Variants in C2CD2 observed in about 807,000 individuals in gnomAD.
C2CD2 encodes the protein C2 calcium dependent domain containing 2, also known as C2 domain-containing protein 2.
Under a neutral mutation model 74.3 loss-of-function variants are expected in C2CD2, and 43 were observed. The observed-to-expected ratio is 0.58, with a 90% CI of 0.45 to 0.75. The LOEUF (loss-of-function observed/expected upper bound fraction) is 0.75, where lower values mean the gene tolerates loss of function less well. Ranked by LOEUF, C2CD2 falls within the 30% of genes least tolerant of loss-of-function variation. The pLI is 0.00. For synonymous variants in C2CD2, 422 were observed against 390.7 expected, an observed-to-expected ratio of 1.08 and a Z score of -0.94; for missense variants, 801 against 916.3, an observed-to-expected ratio of 0.87 and a Z score of 1.63.
intron 6 of C2CD2, among the ~76,000 whole-genome samples, chr21:41,914,391 G>A (rs911753320): frequency 2.6e-5 from 4 of 151,998 alleles, no homozygotes; most frequent in Admixed American, 6.5e-5. Flanking sequence ...TCCCTCCTTG[G>A]CCTTCCCACG....
chr21:41,916,874 C>T (rs1024911542), intron 5 of C2CD2, among the ~76,000 whole-genome samples: 40 of 152,112 alleles, frequency 2.6e-4, no homozygotes, highest in African/African-American at 8.7e-4. Context: ...TTTATGAAGC[C>T]GCATACATTT....
In C2CD2 at chr21:41,899,248, G is replaced by A. The variant is rs2064862384; in HGVS notation, c.1675C>T (p.Pro559Ser). The A allele has an allele frequency of 1.2e-6, 2 of 1,612,484 alleles. No individual in the cohort carries two copies. The highest frequency in any genetic ancestry group is 1.7e-6 in the Non-Finnish European group (2 of 1,179,736). The change falls in exon 13 of 14, where the codon CCG becomes TCG. Residue 559 changes from proline (P) to serine (S), a missense_variant. Transcript: ENST00000380486. This position sits in a 1 kb window ranked among gnomAD's most constrained non-coding sequence, Gnocchi z 4.4. ...TGGGCTGACTCGGCTTCCTCTGGCG[G>A]GGCAGAGGCTGCCGCCCTCTCCGGA... ...SHPERAAASA[P>S]PEEAESAQAS...
At chr21:41,896,011 C>T (rs62214730) in intron 13 of C2CD2, among the ~76,000 whole-genome samples, 170 of 152,250 alleles carry the variant, frequency 1.1e-3, no homozygotes, top group Non-Finnish European at 2.1e-3. Context: ...CCAGAGCGAG[C>T]GCCCTCACCT....
At chr21:41,918,793 G>C in intron 4 of C2CD2, 63 bp downstream of exon 4, 1 of 1,275,376 alleles carries the variant, frequency 7.8e-7, no homozygotes, top group Non-Finnish European at 1.1e-6. Flanking sequence ...CCCCACCGCA[G>C]ACTGTCCTAA....
rs950955525 is a variant in C2CD2 at position 41,895,983 on chromosome 21, G to T, written c.1870+3070C>A. Among the ~76,000 whole-genome samples, 3 of 152,174 alleles carry T rather than the reference G, an allele frequency of 2.0e-5. No individual in the cohort carries two copies. The highest frequency in any genetic ancestry group is 4.4e-5 in the Non-Finnish European group (3 of 68,032). On this transcript the variant is annotated intron_variant, in intron 13 of 13. Transcript: ENST00000380486. This position sits in a 1 kb window ranked among gnomAD's most constrained non-coding sequence, Gnocchi z 5.0. Reference sequence around the variant, plus strand: ...TTCCTGTGGGTGTCACAGCGAGGTCGCCTGGCCACATCAGGTACCAGAGCG... The same window carrying T: ...TTCCTGTGGGTGTCACAGCGAGGTCTCCTGGCCACATCAGGTACCAGAGCG...
intron 2 of C2CD2, among the ~76,000 whole-genome samples, chr21:41,936,815 CTTTTTTTTTTTT>C (rs34112713): frequency 2.9e-5 from 3 of 103,010 alleles, no homozygotes; most frequent in South Asian, 3.0e-4. Context: ...TTTTCTTTTC[CTTTTTTTTTTTT>C]TTTTTTTTTT....
intron 7 of C2CD2, among the ~76,000 whole-genome samples, chr21:41,909,948 A>G (rs1193591999): frequency 1.3e-5 from 2 of 151,784 alleles, no homozygotes. Flanking sequence ...ACGGAACATG[A>G]TATACCTCCC....
intron 5 of C2CD2, 82 bp downstream of exon 5, chr21:41,918,023 A>G: frequency 6.5e-7 from 1 of 1,534,522 alleles, no homozygotes; most frequent in Non-Finnish European, 9.0e-7. Context: ...GGAACGCTGG[A>G]ACGCACACAG....
In C2CD2 at chr21:41,953,436, G is replaced by C. The variant is rs1460821792; in HGVS notation, c.213C>G (p.Gly71=). The C allele has an allele frequency of 6.8e-7, 1 of 1,462,722 alleles. No homozygotes were observed. The highest frequency in any genetic ancestry group is 9.1e-7 in the Non-Finnish European group (1 of 1,100,436). The allele number at this position is 1,462,722 out of a possible 1,614,324, so 90.6% of individuals were successfully genotyped here. A position where few individuals can be genotyped will look rare whatever the true frequency, so the allele number is the denominator to read the frequency against. The change falls in exon 1 of 14, where the codon GGC becomes GGG. Residue 71 remains glycine (G), a synonymous_variant. Coordinates refer to ENST00000380486, the MANE Select transcript of C2CD2 (RefSeq NM_015500.2). The part of the protein sequence containing the change: ...DALLSWILTL[G]SWRSQWQAAW... The stretch of plus-strand genomic sequence containing the variant: ...CCGCCTGCCACTGGCTCCTCCAGCT[G>C]CCCAGCGTCAGGATCCAGGAGAGCA...
At chr21:41,898,048 G>T (rs2064844801) in intron 13 of C2CD2, among the ~76,000 whole-genome samples, 1 of 152,242 alleles carries the variant, frequency 6.6e-6, no homozygotes, top group Admixed American at 6.5e-5. Context: ...ATGGCATCAA[G>T]AACAGAGGAC....
chr21:41,945,600 G>A lies in C2CD2; in HGVS notation c.280-3355C>T, dbSNP rs1003948182. 6.6e-6 allele frequency among the ~76,000 whole-genome samples: 1 copy of A among 152,098 alleles called. No homozygotes were observed. The highest frequency in any genetic ancestry group is 1.5e-5 in the Non-Finnish European group (1 of 68,020). On this transcript the variant is annotated intron_variant, in intron 1 of 13. Transcript: ENST00000380486. The surrounding 1 kb of genome is among the most constrained non-coding windows in gnomAD (Gnocchi z 4.2). Reference sequence around the variant, plus strand: ...GGAGAACAACCTAAGCAACTGATTCGGTTTGGCTCTGTTTGTAACCACCAT... The same window carrying A: ...GGAGAACAACCTAAGCAACTGATTCAGTTTGGCTCTGTTTGTAACCACCAT...
Position 41,918,839 on chromosome 21 carries a change from A to G in C2CD2, c.597+17T>C, listed in dbSNP as rs2245127. 2 of 1,598,720 alleles carry G rather than the reference A, an allele frequency of 1.3e-6. No homozygotes were observed. The highest frequency in any genetic ancestry group is 2.2e-5 in the South Asian group (2 of 90,768). ...TTCTCACGCCAATGGAAGAATCATAAAAACTTACGGACTGACCTCCCCCAG... is the reference window on the plus strand; with the variant it reads ...TTCTCACGCCAATGGAAGAATCATAGAAACTTACGGACTGACCTCCCCCAG... On this transcript the variant is annotated intron_variant, in intron 4 of 13. Coordinates refer to ENST00000380486, the MANE Select transcript of C2CD2 (RefSeq NM_015500.2).
chr21:41,935,794 G>A (rs544134840), intron 2 of C2CD2, among the ~76,000 whole-genome samples: 1 of 152,222 alleles, frequency 6.6e-6, no homozygotes, highest in South Asian at 2.1e-4. Context: ...AGAGGTTGCA[G>A]TAAGCCAAGG....
In C2CD2 at chr21:41,892,291, G is replaced by C. The variant is rs997396783; in HGVS notation, c.1871-2947C>G. On this transcript the variant is annotated intron_variant, in intron 13 of 13. Coordinates refer to ENST00000380486, the MANE Select transcript of C2CD2 (RefSeq NM_015500.2). This position sits in a 1 kb window ranked among gnomAD's most constrained non-coding sequence, Gnocchi z 4.6. ...GTCAGCAGCTGTCAGGAGCTGGAGA[G>C]GCGGGAGCAGGCTCTCCCACAGGGC... Among the ~76,000 whole-genome samples the C allele has an allele frequency of 6.6e-6, 1 of 152,180 alleles. No homozygotes were observed. Among genetic ancestry groups the C allele is most frequent in the Non-Finnish European group, 1.5e-5 (1 of 68,030 alleles).
chr21:41,911,690 T>A (rs1457333740), intron 7 of C2CD2, among the ~76,000 whole-genome samples: 1 of 151,422 alleles, frequency 6.6e-6, no homozygotes, highest in Non-Finnish European at 1.5e-5. Flanking sequence ...TCCCAGACTT[T>A]CTTTCTTTTT....
At position 41,888,062 on chromosome 21, in the gene C2CD2, C is replaced by G. The variant is rs2146119855; in HGVS notation, c.*1062G>C. On this transcript the variant is annotated 3_prime_UTR_variant, in exon 14 of 14. Transcript: ENST00000380486. ...GCACCCCAACCTGTGTCCAAGAGGA[C>G]TGTTCACAGCAAAATTCTGAAGCGC... 1 of 152,768 alleles carries G rather than the reference C, an allele frequency of 6.5e-6. No individual in the cohort carries two copies. The highest frequency in any genetic ancestry group is 1.9e-4 in the East Asian group (1 of 5,192). 9.5% of individuals were successfully genotyped at this position (152,768 alleles called of 1,614,324 possible).
chr21:41,896,314 C>T (rs1377395193), intron 13 of C2CD2, among the ~76,000 whole-genome samples: 1 of 152,210 alleles, frequency 6.6e-6, no homozygotes, highest in Non-Finnish European at 1.5e-5. Flanking sequence ...AGAGCAACAT[C>T]AGAGTGGACG....
Position 41,905,765 on chromosome 21 carries a change from C to G in C2CD2, c.1391G>C (p.Arg464Pro). 1 of 1,611,050 alleles carries G rather than the reference C, an allele frequency of 6.2e-7. No homozygotes were observed. The highest frequency in any genetic ancestry group is 2.2e-5 in the East Asian group (1 of 44,848). ...GAGTGTTTTGCTGACGGGGGCGCTG[C>G]GGCAGGCGATGGCCTGGACAGAGAT... ...KDISVQAIAC[R>P]SAPVSKTLSS... The change falls in exon 11 of 14, where the codon CGC becomes CCC. Residue 464 changes from arginine (R) to proline (P), a missense_variant. Physicochemically the swap from Arg to Pro is moderately radical, Grantham distance 103. Transcript: ENST00000380486.
chr21:41,927,622 C>T lies in C2CD2; in HGVS notation c.379-5537G>A, dbSNP rs143154017. 3.6e-3 allele frequency among the ~76,000 whole-genome samples: 541 copies of T among 151,996 alleles called. 2 individuals carry two copies. Among genetic ancestry groups the T allele is most frequent in the African/African-American group, 0.013 (523 of 41,444 alleles). Reference sequence around the variant, plus strand: ...AGTAGTTGGGACTACAGGCACGTGCCACCACACCTGGCTAACTTTTGTATT... The same window carrying T: ...AGTAGTTGGGACTACAGGCACGTGCTACCACACCTGGCTAACTTTTGTATT... On this transcript the variant is annotated intron_variant, in intron 2 of 13. Coordinates refer to ENST00000380486, the MANE Select transcript of C2CD2 (RefSeq NM_015500.2).
Sources: allele counts gnomAD v4.1 joint callset (sites outside exome capture counted in the v4.1 genomes callset), GRCh38; gene constraint gnomAD v4.1.1; non-coding constraint Gnocchi (gnomAD v3.1); transcripts MANE v1.5; gene names NCBI Gene and HGNC (gene_info 2026-07-23, HGNC 2026-07-21).